GLRA2: variants seen among roughly 807,000 people sequenced by gnomAD.
GLRA2 encodes glycine receptor alpha 2, also known as glycine receptor subunit alpha-2.
GLRA2 carries 11 observed loss-of-function variants against 31.6 expected under a neutral mutation model. The ratio of observed to expected loss-of-function variants is 0.35; its 90% CI spans 0.22 to 0.58. The LOEUF (loss-of-function observed/expected upper bound fraction) is 0.58. Among genes scored for constraint, GLRA2 ranks in the 20% least tolerant of loss-of-function variants. The pLI, the probability that GLRA2 is intolerant of heterozygous loss-of-function variation, is 0.84. For synonymous variants in GLRA2, 132 were observed against 134.0 expected, an observed-to-expected ratio of 0.99 and a Z score of 0.10; for missense variants, 212 against 351.8, an observed-to-expected ratio of 0.60 and a Z score of 3.18.
At chrX:14,628,239 T>G (rs901149060) in intron 7 of GLRA2, among the ~76,000 whole-genome samples, 3 of 112,113 alleles carry the variant, frequency 2.7e-5, no homozygotes, top group Middle Eastern at 9.1e-3. Context: ...TTCTGAATTC[T>G]AAGACATACT....
chrX:14,597,859 A>T, intron 4 of GLRA2, among the ~76,000 whole-genome samples: 1 of 111,858 alleles, frequency 8.9e-6, no homozygotes, highest in Non-Finnish European at 1.9e-5. Flanking sequence ...TGTGAGTTTC[A>T]ATTTGCTTAT....
chrX:14,474,305 G>A, the GLRA2 span, among the ~76,000 whole-genome samples: 4 of 111,361 alleles, frequency 3.6e-5, no homozygotes, highest in Admixed American at 1.9e-4. Flanking sequence ...TAGTTACCCT[G>A]CAGCTGCTAC....
At chrX:14,704,689 G>A (rs2051262268) in intron 8 of GLRA2, among the ~76,000 whole-genome samples, 2 of 111,691 alleles carry the variant, frequency 1.8e-5, no homozygotes, top group Non-Finnish European at 3.8e-5. Context: ...GTGCAGGAGT[G>A]GGTAAAAGGA....
intron 4 of GLRA2, among the ~76,000 whole-genome samples, chrX:14,592,957 AT>A (rs1322751110): frequency 1.8e-5 from 2 of 112,097 alleles, no homozygotes; most frequent in African/African-American, 6.5e-5. Context: ...GTCTGCTATT[AT>A]TACTCATCAC....
chrX:14,603,104 T>C (rs1243218896), intron 4 of GLRA2, among the ~76,000 whole-genome samples: 1 of 110,241 alleles, frequency 9.1e-6, no homozygotes, highest in African/African-American at 3.3e-5. Flanking sequence ...TTGACTTTTT[T>C]GATTACGGTC....
At chrX:14,574,459 A>G (rs773716812) in intron 3 of GLRA2, 59 bp downstream of exon 3, 2 of 1,168,913 alleles carry the variant, frequency 1.7e-6, no homozygotes, top group Admixed American at 4.4e-5. Context: ...CTGTGAACAC[A>G]AACTGTCAAA....
At chrX:14,472,707 T>C in the GLRA2 span, among the ~76,000 whole-genome samples, 4 of 111,338 alleles carry the variant, frequency 3.6e-5, no homozygotes, top group African/African-American at 9.8e-5. Context: ...TAATGAAGGG[T>C]TGCTAGGTAT....
Position 14,724,532 on chromosome X carries a change from A to C in GLRA2, c.1081-5675A>C, listed in dbSNP as rs1482752728. ...TCCCAGCTACTCGGGAGGCTGAAGCAGGAGAATCACTTGAACCCAGGAGGC... is the reference window on the plus strand; with the variant it reads ...TCCCAGCTACTCGGGAGGCTGAAGCCGGAGAATCACTTGAACCCAGGAGGC... On this transcript the variant is annotated intron_variant, in intron 8 of 8. Coordinates refer to ENST00000218075, the MANE Select transcript of GLRA2 (RefSeq NM_002063.4). Among the ~76,000 whole-genome samples, 23 of 105,682 alleles carry C rather than the reference A, an allele frequency of 2.2e-4. 1 individual carries two copies. In the Admixed American group the frequency reaches 2.2e-3, roughly 10 times the overall value. 91.8% of individuals were successfully genotyped at this position (105,682 alleles called of 115,157 possible). A position where few individuals can be genotyped will look rare whatever the true frequency, so the allele number is the denominator to read the frequency against.
intron 7 of GLRA2, among the ~76,000 whole-genome samples, chrX:14,684,255 C>A (rs2091249474): frequency 9.0e-6 from 1 of 110,871 alleles, no homozygotes; most frequent in Admixed American, 9.6e-5. Flanking sequence ...AGGGTGATGC[C>A]TCCAGCTTTG....
chrX:14,515,155 A>G, the GLRA2 span, among the ~76,000 whole-genome samples: 1 of 111,808 alleles, frequency 8.9e-6, no homozygotes, highest in South Asian at 3.7e-4. Flanking sequence ...TTGCAGATAT[A>G]TAATCCTATG....
At chrX:14,687,260 G>C (rs1305771399) in intron 7 of GLRA2, among the ~76,000 whole-genome samples, 7 of 111,625 alleles carry the variant, frequency 6.3e-5, no homozygotes, top group Non-Finnish European at 1.3e-4. Flanking sequence ...TCCAGCTTTG[G>C]TGAATCTGAC....
the GLRA2 span, among the ~76,000 whole-genome samples, chrX:14,519,695 C>T: frequency 8.9e-6 from 1 of 112,051 alleles, no homozygotes; most frequent in East Asian, 2.8e-4. Flanking sequence ...CATTTTGAAA[C>T]GTCTTGGGTA....
the GLRA2 span, among the ~76,000 whole-genome samples, chrX:14,488,330 C>T: frequency 8.9e-6 from 1 of 112,216 alleles, no homozygotes; most frequent in Admixed American, 9.5e-5. Context: ...AGCCCCATTA[C>T]CACACCCAAG....
chrX:14,727,612 A>G (rs1166980639), intron 8 of GLRA2, among the ~76,000 whole-genome samples: 2 of 112,379 alleles, frequency 1.8e-5, no homozygotes, highest in East Asian at 5.6e-4. Context: ...ACACTGTAAT[A>G]ATTAATATAT....
chrX:14,724,578 A>G (rs777257583), intron 8 of GLRA2, among the ~76,000 whole-genome samples: 1 of 101,176 alleles, frequency 9.9e-6, no homozygotes, highest in African/African-American at 3.7e-5. Context: ...GTGAGATGAG[A>G]TCACACCACT....
intron 4 of GLRA2, among the ~76,000 whole-genome samples, chrX:14,592,393 G>A (rs183562987): frequency 2.7e-4 from 30 of 111,380 alleles, no homozygotes; most frequent in African/African-American, 9.1e-4. Context: ...CAACATGGCC[G>A]GGCAGAGTGG....
intron 2 of GLRA2, among the ~76,000 whole-genome samples, chrX:14,560,397 C>A (rs1462820818): frequency 8.9e-6 from 1 of 111,831 alleles, no homozygotes; most frequent in Non-Finnish European, 1.9e-5. Flanking sequence ...CTTAAAAGGA[C>A]GCTGGGAAAT....
the GLRA2 span, among the ~76,000 whole-genome samples, chrX:14,459,930 G>A: frequency 8.9e-6 from 1 of 112,102 alleles, no homozygotes; most frequent in African/African-American, 3.2e-5. Context: ...TGGTGAGAGA[G>A]GGCATCCCTG....
intron 7 of GLRA2, among the ~76,000 whole-genome samples, chrX:14,635,722 C>T (rs1906467465): frequency 9.0e-6 from 1 of 111,525 alleles, no homozygotes. Context: ...TTAAGGGCCT[C>T]CAGAGAAGTA....
Sources: gnomAD v4.1 joint callset for allele counts (sites outside exome capture counted in the v4.1 genomes callset) on GRCh38, gnomAD v4.1.1 for gene constraint, MANE v1.5 for transcripts, NCBI Gene and HGNC (gene_info 2026-07-23, HGNC 2026-07-21) for gene names.